The following ADGRL4 variants were observed in gnomAD, a reference collection of about 807,000 sequenced individuals.
The protein encoded by ADGRL4 is EGF, latrophilin and seven transmembrane domain containing 1.
Under a neutral mutation model 74.8 loss-of-function variants are expected in ADGRL4, and 90 were observed. The observed-to-expected ratio is 1.20, with a 90% CI of 1.02 to 1.43. The LOEUF (loss-of-function observed/expected upper bound fraction) is 1.43, where lower values mean the gene tolerates loss of function less well. ADGRL4 is among the 40% of genes most tolerant of loss of function. The probability of loss-of-function intolerance (pLI) is 0.00; values close to 1 mark genes in which losing one functional copy is unlikely to be tolerated. For synonymous variants in ADGRL4, 311 were observed against 279.2 expected, an observed-to-expected ratio of 1.11 and a Z score of -1.14; for missense variants, 881 against 814.3, an observed-to-expected ratio of 1.08 and a Z score of -1.00.
intron 12 of ADGRL4, among the ~76,000 whole-genome samples, chr1:78,913,738 A>C (rs78327581): frequency 0.039 from 5,919 of 152,030 alleles, 152 homozygotes; most frequent in Middle Eastern, 0.058. Context: ...AAGTTTACTT[A>C]TGTAAAAAAC....
At chr1:78,908,908 T>G (rs995777146) in intron 12 of ADGRL4, among the ~76,000 whole-genome samples, 1 of 151,938 alleles carries the variant, frequency 6.6e-6, no homozygotes, top group Admixed American at 6.6e-5. Flanking sequence ...TAAGAATATA[T>G]CTCTCATATA....
intron 2 of ADGRL4, among the ~76,000 whole-genome samples, chr1:78,999,784 A>G (rs1650799960): frequency 6.9e-6 from 1 of 144,018 alleles, no homozygotes; most frequent in Admixed American, 7.0e-5. Flanking sequence ...ACACATCTAT[A>G]GTTATATCTA....
At chr1:78,934,853 G>A (rs1649320294) in intron 7 of ADGRL4, among the ~76,000 whole-genome samples, 1 of 152,192 alleles carries the variant, frequency 6.6e-6, no homozygotes, top group African/African-American at 2.4e-5. Flanking sequence ...AGCACAAGGA[G>A]ATACCATCTC....
In ADGRL4 at chr1:78,951,773, A is replaced by G. The variant is rs934181394; in HGVS notation, c.173-5347T>C. 2.0e-5 allele frequency among the ~76,000 whole-genome samples: 3 copies of G among 152,316 alleles called. No homozygotes were observed. In the East Asian group the frequency reaches 5.8e-4, roughly 29 times the overall value. ...AGAGAATCTGGTAGACACAGTTTTT[A>G]TGCTTAAGACTGTCTGACTCCAAAG... On this transcript the variant is annotated intron_variant, in intron 2 of 14. Transcript: ENST00000370742.
rs1180663166 is a variant in ADGRL4 at position 78,996,518 on chromosome 1, G to T, written c.172+8552C>A. On this transcript the variant is annotated intron_variant, in intron 2 of 14. Coordinates refer to ENST00000370742, the MANE Select transcript of ADGRL4 (RefSeq NM_022159.4). ...AGGCACATTCCATAGAAGATAAGTG[G>T]TCTTCTGTGGTTTCTTTTAATTGAA... 2.0e-5 allele frequency among the ~76,000 whole-genome samples: 3 copies of T among 152,292 alleles called. No homozygotes were observed. The East Asian group carries it at 5.8e-4, about 29-fold the overall frequency.
rs1214790794 is a variant in ADGRL4, at chr1:78,946,285, G to A, written c.314C>T (p.Thr105Ile). 5 of 1,610,894 alleles carry A rather than the reference G, an allele frequency of 3.1e-6. No homozygotes were observed. The South Asian group carries it at 4.4e-5, about 14-fold the overall frequency. ...ATAACCGAACTTACCTATACAGACG[G>A]TTCCATCATTAGTGATAAACCTGTC... ...NQDRFITNDG[T>I]VCIENVNANC... The change falls in exon 3 of 15, where the codon ACC (threonine) becomes ATC (isoleucine). Residue 105 changes from threonine to isoleucine, a missense_variant. Thr to Ile is a moderately conservative substitution (Grantham distance 89). Transcript: ENST00000370742.
chr1:78,937,953 T>C lies in ADGRL4; in HGVS notation c.614A>G (p.Asp205Gly). The C allele has an allele frequency of 6.2e-7, 1 of 1,611,304 alleles. No homozygotes were observed. Among genetic ancestry groups the C allele is most frequent in the Non-Finnish European group, 8.5e-7 (1 of 1,179,310 alleles). ...VKTVNNFVQR[D>G]TFVVWDKLSV... The stretch of plus-strand genomic sequence containing the variant: ...TAACTTGTCCCAAACTACAAATGTA[T>C]CCCTTTGAACAAAATTATTCACGGT... Residue 205 changes from aspartate to glycine, a missense_variant, in exon 6 of 15, where the codon GAT becomes GGT. Coordinates refer to ENST00000370742, the MANE Select transcript of ADGRL4 (RefSeq NM_022159.4).
intron 2 of ADGRL4, among the ~76,000 whole-genome samples, chr1:78,964,129 T>C (rs1339890066): frequency 6.6e-6 from 1 of 152,084 alleles, no homozygotes; most frequent in Non-Finnish European, 1.5e-5. Context: ...GATGGTAAAA[T>C]TGATATATAA....
chr1:78,917,862 T>A lies in ADGRL4; in HGVS notation c.1650A>T (p.Ala550=). 2 of 1,612,686 alleles carry A rather than the reference T, an allele frequency of 1.2e-6. No homozygotes were observed. The highest frequency in any genetic ancestry group is 2.2e-5 in the South Asian group (2 of 91,052). The change falls in exon 11 of 15, where the codon GCA becomes GCT. Residue 550 remains alanine (A), a synonymous_variant. Coordinates refer to ENST00000370742, the MANE Select transcript of ADGRL4 (RefSeq NM_022159.4). ...TTGTGCCATAATATCTGTATCCTAG[T>A]GCTGCCGAAAATCCAACTACCACGG... ...SPAVVVGFSA[A]LGYRYYGTTK...
chr1:78,964,006 T>G (rs916916502), intron 2 of ADGRL4, among the ~76,000 whole-genome samples: 1 of 152,214 alleles, frequency 6.6e-6, no homozygotes, highest in Non-Finnish European at 1.5e-5. Context: ...TTTGCAGTCT[T>G]ATACCACTGC....
chr1:78,947,537 T>C (rs1010578066), intron 2 of ADGRL4, among the ~76,000 whole-genome samples: 2 of 152,180 alleles, frequency 1.3e-5, no homozygotes, highest in Admixed American at 6.6e-5. Context: ...TTTAGACTTT[T>C]AGCCTCCAGA....
At position 78,896,850 on chromosome 1, in the gene ADGRL4, C is replaced by A. The variant is rs1011923946; in HGVS notation, c.1750-3661G>T. Among the ~76,000 whole-genome samples, 3 of 152,078 alleles carry A rather than the reference C, an allele frequency of 2.0e-5. No homozygotes were observed. The East Asian group carries it at 5.8e-4, about 29-fold the overall frequency. On this transcript the variant is annotated intron_variant, in intron 12 of 14. Transcript: ENST00000370742. ...TTTGATCTCTGCTATACCTCTTCCC[C>A]CAAGCGTTACTTCTCTATCTTTTGA...
intron 2 of ADGRL4, among the ~76,000 whole-genome samples, chr1:79,000,431 A>G (rs1216991381): frequency 6.6e-6 from 1 of 152,218 alleles, no homozygotes; most frequent in Admixed American, 6.5e-5. Flanking sequence ...TTTGGTTTTA[A>G]AACTGTGGAA....
At chr1:78,986,675 G>C (rs945986030) in intron 2 of ADGRL4, among the ~76,000 whole-genome samples, 11 of 151,364 alleles carry the variant, frequency 7.3e-5, no homozygotes, top group Non-Finnish European at 1.5e-4. Context: ...TGAATAGTTG[G>C]GGTAAAAGTA....
intron 12 of ADGRL4, among the ~76,000 whole-genome samples, chr1:78,902,046 A>C (rs886908044): frequency 6.6e-6 from 1 of 152,166 alleles, no homozygotes; most frequent in African/African-American, 2.4e-5. Context: ...AAAGGAGAAA[A>C]ATTTTAATAG....
chr1:78,893,260 T>C, intron 12 of ADGRL4, 71 bp from the exon 13 acceptor site: 1 of 898,700 alleles, frequency 1.1e-6, no homozygotes. Context: ...AGAAAATAAA[T>C]GGTAAAGATT....
At chr1:78,974,967 G>T (rs1650247507) in intron 2 of ADGRL4, among the ~76,000 whole-genome samples, 1 of 152,048 alleles carries the variant, frequency 6.6e-6, no homozygotes, top group Non-Finnish European at 1.5e-5. Flanking sequence ...TTAAGGAATG[G>T]GCATCTTTAG....
chr1:78,925,609 G>C (rs933034431), intron 8 of ADGRL4, among the ~76,000 whole-genome samples: 6 of 151,986 alleles, frequency 3.9e-5, no homozygotes, highest in Non-Finnish European at 4.4e-5. Flanking sequence ...GGGAACCAGA[G>C]ACTAAGCAGG....
chr1:78,954,778 G>T (rs142087650), intron 2 of ADGRL4, among the ~76,000 whole-genome samples: 2 of 152,128 alleles, frequency 1.3e-5, no homozygotes, highest in African/African-American at 4.8e-5. Context: ...CAACATTTTA[G>T]CTTAAAAGCT....
Sources: gnomAD v4.1 joint callset for allele counts (sites outside exome capture counted in the v4.1 genomes callset) on GRCh38, gnomAD v4.1.1 for gene constraint, MANE v1.5 for transcripts, NCBI Gene and HGNC (gene_info 2026-07-23, HGNC 2026-07-21) for gene names.